The following NKAIN3 variants were observed in gnomAD, a reference collection of about 807,000 sequenced individuals.
NKAIN3 encodes sodium/potassium-transporting ATPase subunit beta-1-interacting protein 3.
A neutral mutation model predicts 30.2 loss-of-function variants in NKAIN3; 25 were observed. The ratio of observed to expected loss-of-function variants is 0.83; its 90% CI spans 0.60 to 1.16. The LOEUF is 1.16. Ranked by LOEUF, NKAIN3 falls within the 50% of genes most tolerant of loss-of-function variation. The pLI is 0.00. For synonymous variants in NKAIN3, 91 were observed against 89.6 expected (o/e 1.02, Z -0.09); for missense variants, 225 against 254.1 (o/e 0.89, Z 0.78).
chr8:62,483,451 GTCAGGCTGAGCAGATGC>G (rs906601557), intron 1 of NKAIN3: 1 of 171,896 alleles, frequency 5.8e-6, no homozygotes, highest in African/African-American at 2.4e-5. Flanking sequence ...AGCCAGGAGT[GTCAGGCTGAGCAGATGC>G]TCAGGCTGGG....
chr8:62,265,978 C>T (rs1037240456), intron 1 of NKAIN3, among the ~76,000 whole-genome samples: 2 of 152,112 alleles, frequency 1.3e-5, no homozygotes, highest in African/African-American at 4.8e-5. Context: ...CCATGGCCCA[C>T]AAAACTAATT....
At chr8:62,513,574 A>G (rs1440616900) in intron 1 of NKAIN3, among the ~76,000 whole-genome samples, 2 of 152,024 alleles carry the variant, frequency 1.3e-5, no homozygotes, top group Non-Finnish European at 2.9e-5. Context: ...CAGGCAAAGG[A>G]AAGAGGATTT....
At position 62,983,491 on chromosome 8, in the gene NKAIN3, A is replaced by G. The variant is rs924204134; in HGVS notation, c.*18084A>G. The G allele has an allele frequency of 1.3e-5, 2 of 152,212 alleles. No individual in the cohort carries two copies. The highest frequency in any genetic ancestry group is 2.9e-5 in the Non-Finnish European group (2 of 68,054). 9.4% of individuals were successfully genotyped at this position (152,212 alleles called of 1,614,324 possible). On this transcript the variant is annotated 3_prime_UTR_variant, in exon 7 of 7. Coordinates refer to ENST00000623646, the MANE Select transcript of NKAIN3 (RefSeq NM_001304533.3). ...TAGTGACCATCTGTCTTGTGCAAAA[A>G]GCTTGGGGAGTGATAAAAACAAATC...
At chr8:62,273,861 A>G (rs1812847626) in intron 1 of NKAIN3, among the ~76,000 whole-genome samples, 1 of 152,196 alleles carries the variant, frequency 6.6e-6, no homozygotes, top group African/African-American at 2.4e-5. Flanking sequence ...TGAGTCCATT[A>G]GCACCCTAAT....
chr8:62,747,167 C>T, intron 4 of NKAIN3, 38 bp downstream of exon 4: 2 of 1,393,428 alleles, frequency 1.4e-6, no homozygotes, highest in Non-Finnish European at 2.0e-6. Flanking sequence ...AATCAGAACT[C>T]TTCTTTGCTG....
intron 4 of NKAIN3, among the ~76,000 whole-genome samples, chr8:62,899,491 A>G (rs1223443748): frequency 6.6e-6 from 1 of 152,196 alleles, no homozygotes. Context: ...AGCCAGGCAC[A>G]GAAAGACAAA....
At chr8:62,601,334 G>A (rs1810977897) in intron 3 of NKAIN3, among the ~76,000 whole-genome samples, 1 of 151,928 alleles carries the variant, frequency 6.6e-6, no homozygotes, top group African/African-American at 2.4e-5. Context: ...AGGAATGGAG[G>A]TAGGGTACAG....
intron 1 of NKAIN3, among the ~76,000 whole-genome samples, chr8:62,402,158 TTCACTTTCC>T (rs1231480292): frequency 2.0e-5 from 3 of 152,184 alleles, no homozygotes; most frequent in Non-Finnish European, 4.4e-5. Flanking sequence ...CACTTTTCCC[TTCACTTTCC>T]ACATGCAGAG....
chr8:62,677,231 T>TATC (rs1554563459), intron 3 of NKAIN3, among the ~76,000 whole-genome samples: 1 of 152,162 alleles, frequency 6.6e-6, no homozygotes, highest in Non-Finnish European at 1.5e-5. Flanking sequence ...AGCGGTGATA[T>TATC]ATCAGGTTGG....
intron 3 of NKAIN3, among the ~76,000 whole-genome samples, chr8:62,704,045 G>A (rs1002805780): frequency 2.6e-5 from 4 of 152,066 alleles, no homozygotes; most frequent in Admixed American, 6.6e-5. Context: ...GTCAACTTAC[G>A]ATAATTGATT....
rs190580261 is a variant in NKAIN3 at position 62,669,835 on chromosome 8, G to A, written c.274-77097G>A. The stretch of plus-strand genomic sequence containing the variant: ...ACAAACAGCTGCATGACAAGGAAGT[G>A]TGATTGCCTCCTCTTTTATGTTCTT... On this transcript the variant is annotated intron_variant, in intron 3 of 6. Transcript: ENST00000623646. Among the ~76,000 whole-genome samples, 380 of 152,250 alleles carry A rather than the reference G, an allele frequency of 2.5e-3. 2 individuals are homozygous for A. The highest frequency in any genetic ancestry group is 8.1e-3 in the African/African-American group (337 of 41,528).
At chr8:62,593,738 G>A (rs1488876851) in intron 3 of NKAIN3, among the ~76,000 whole-genome samples, 4 of 152,018 alleles carry the variant, frequency 2.6e-5, no homozygotes, top group Non-Finnish European at 4.4e-5. Context: ...ATTGGTTAAG[G>A]AAACAGAATT....
intron 4 of NKAIN3, among the ~76,000 whole-genome samples, chr8:62,916,345 T>G (rs1169571373): frequency 6.6e-6 from 1 of 152,200 alleles, no homozygotes; most frequent in Non-Finnish European, 1.5e-5. Context: ...GAGTATTAAC[T>G]TGGGTCATAA....
intron 1 of NKAIN3, among the ~76,000 whole-genome samples, chr8:62,528,323 TAA>T (rs1491451351): frequency 5.4e-5 from 4 of 74,276 alleles, no homozygotes; most frequent in Non-Finnish European, 7.7e-5. Flanking sequence ...ATATATTATA[TAA>T]TATATATATT....
chr8:62,978,615 T>C lies in NKAIN3; in HGVS notation c.*13208T>C, dbSNP rs1483870491. On this transcript the variant is annotated 3_prime_UTR_variant, in exon 7 of 7. Transcript: ENST00000623646. ...CTACTTCAGACTGCTGTGCTGGAAG[T>C]AAGAATTTCAATCCAGTGGATCTTA... is the stretch of plus-strand genomic sequence containing the variant. 6.6e-6 allele frequency: 1 copy of C among 152,432 alleles called. No individual in the cohort carries two copies. The highest frequency in any genetic ancestry group is 1.5e-5 in the Non-Finnish European group (1 of 68,094). 9.4% of individuals were successfully genotyped at this position (152,432 alleles called of 1,614,324 possible).
chr8:62,802,146 G>T (rs1188238596), intron 4 of NKAIN3, among the ~76,000 whole-genome samples: 1 of 152,234 alleles, frequency 6.6e-6, no homozygotes, highest in African/African-American at 2.4e-5. Context: ...CGTCTGATTG[G>T]TGTACCTGAA....
intron 1 of NKAIN3, among the ~76,000 whole-genome samples, chr8:62,475,353 C>CACGA (rs1386364172): frequency 2.0e-5 from 3 of 152,200 alleles, no homozygotes; most frequent in Non-Finnish European, 4.4e-5. Flanking sequence ...ATGAGAAAGC[C>CACGA]ACGACACTTC....
chr8:62,935,202 G>A (rs1303947771), intron 5 of NKAIN3, among the ~76,000 whole-genome samples: 6 of 152,006 alleles, frequency 3.9e-5, no homozygotes, highest in African/African-American at 1.5e-4. Context: ...AGTTCCACAG[G>A]GACACAACAC....
rs373544785 is a variant in NKAIN3, at chr8:62,784,050, G to A, written c.471+36921G>A. On this transcript the variant is annotated intron_variant, in intron 4 of 6. Transcript: ENST00000623646. Reference sequence around the variant, plus strand: ...AATTTTAAAGGATTAAATTATTTAAGTGTGTTCTCTGACCATAAGAACATT... The same window carrying A: ...AATTTTAAAGGATTAAATTATTTAAATGTGTTCTCTGACCATAAGAACATT... Among the ~76,000 whole-genome samples the A allele has an allele frequency of 7.3e-4, 111 of 152,114 alleles. 2 individuals are homozygous for A. In the South Asian group the frequency reaches 0.022, roughly 30 times the overall value.
Sources: allele counts gnomAD v4.1 joint callset (sites outside exome capture counted in the v4.1 genomes callset), GRCh38; gene constraint gnomAD v4.1.1; transcripts MANE v1.5; gene names NCBI Gene and HGNC (gene_info 2026-07-23, HGNC 2026-07-21).